The following R3HDM1 variants were observed in gnomAD, a reference collection of about 807,000 sequenced individuals.
R3HDM1 encodes the protein R3H domain containing 1.
In R3HDM1, 46 loss-of-function variants were observed where a neutral mutation model predicts 141.1. That is an observed-to-expected ratio of 0.33 (90% CI 0.26 to 0.42). The LOEUF (loss-of-function observed/expected upper bound fraction) is 0.42, where lower values mean the gene tolerates loss of function less well. Ranked by LOEUF, R3HDM1 falls within the 10% of genes least tolerant of loss-of-function variation. The probability of loss-of-function intolerance (pLI) is 1.00; values close to 1 mark genes in which losing one functional copy is unlikely to be tolerated. For synonymous variants in R3HDM1, 435 were observed against 472.9 expected (o/e 0.92, Z 1.04); for missense variants, 1,184 against 1,368.3 (o/e 0.87, Z 2.12).
chr2:135,600,219 T>A (rs1226028732), intron 1 of R3HDM1, among the ~76,000 whole-genome samples: 1 of 150,962 alleles, frequency 6.6e-6, no homozygotes, highest in Non-Finnish European at 1.5e-5. Flanking sequence ...GTCCTGAGAT[T>A]ACAGGCCTGA....
chr2:135,544,697 AC>A (rs1420866797), intron 1 of R3HDM1, among the ~76,000 whole-genome samples: 1 of 152,180 alleles, frequency 6.6e-6, no homozygotes, highest in Non-Finnish European at 1.5e-5. Context: ...TGGCTCACTC[AC>A]GCCTGTAATC....
At chr2:135,571,666 G>T (rs1323284866) in intron 1 of R3HDM1, among the ~76,000 whole-genome samples, 1 of 151,940 alleles carries the variant, frequency 6.6e-6, no homozygotes, top group African/African-American at 2.4e-5. Context: ...TCACTCTCTT[G>T]CCCAGGCCAG....
At chr2:135,714,256 A>G (rs1258744795) in intron 23 of R3HDM1, among the ~76,000 whole-genome samples, 2 of 152,232 alleles carry the variant, frequency 1.3e-5, no homozygotes, top group Admixed American at 1.3e-4. Context: ...GATGTGATCC[A>G]TTGAGAAGGA....
intron 1 of R3HDM1, chr2:135,583,750 G>A: frequency 1.0e-6 from 1 of 985,350 alleles, no homozygotes; most frequent in South Asian, 4.7e-5. Context: ...GTCTTTACCT[G>A]TAAAGGTTGA....
chr2:135,651,180 A>G (rs2065111630), intron 17 of R3HDM1: 1 of 985,150 alleles, frequency 1.0e-6, no homozygotes, highest in Admixed American at 6.1e-5. Flanking sequence ...ATGTATGGCC[A>G]AATTATTTTT....
chr2:135,559,990 A>G (rs1043798868), intron 1 of R3HDM1, among the ~76,000 whole-genome samples: 1 of 152,254 alleles, frequency 6.6e-6, no homozygotes, highest in African/African-American at 2.4e-5. Context: ...CATCTGTTCC[A>G]TAACTTACTA....
intron 3 of R3HDM1, among the ~76,000 whole-genome samples, chr2:135,611,770 G>A (rs2060572943): frequency 6.6e-6 from 1 of 152,026 alleles, no homozygotes; most frequent in African/African-American, 2.4e-5. Flanking sequence ...CTGAACTTGG[G>A]TCATATGCAC....
At chr2:135,650,888 C>T in intron 17 of R3HDM1, 1 of 985,178 alleles carries the variant, frequency 1.0e-6, no homozygotes, top group Non-Finnish European at 1.2e-6. Flanking sequence ...TCAGTGTTGA[C>T]CTTTTAACAA....
chr2:135,602,674 G>A lies in R3HDM1; in HGVS notation c.-75G>A. ...TGGATTATTTTATTTTATTTTTGTG[G>A]GACACCACAATCCCAAATCCAAAGG... On this transcript the variant is annotated 5_prime_UTR_variant, in exon 2 of 27. Coordinates refer to ENST00000683871, the MANE Select transcript of R3HDM1 (RefSeq NM_001378107.1). 2 of 1,540,666 alleles carry A rather than the reference G, an allele frequency of 1.3e-6. No individual in the cohort carries two copies. The highest frequency in any genetic ancestry group is 2.1e-5 in the Admixed American group (1 of 48,668).
intron 1 of R3HDM1, among the ~76,000 whole-genome samples, chr2:135,569,757 C>T (rs1190495666): frequency 2.8e-5 from 4 of 142,634 alleles, no homozygotes; most frequent in Non-Finnish European, 5.9e-5. Context: ...GAGGGAGTCT[C>T]GCTCTGTCAC....
intron 1 of R3HDM1, among the ~76,000 whole-genome samples, chr2:135,594,335 C>G (rs912740197): frequency 1.3e-5 from 2 of 152,142 alleles, no homozygotes; most frequent in Non-Finnish European, 2.9e-5. Flanking sequence ...GATAAAAAGT[C>G]AGATCTGGAA....
intron 21 of R3HDM1, among the ~76,000 whole-genome samples, chr2:135,685,636 A>G (rs370653722): frequency 1.3e-5 from 2 of 152,134 alleles, no homozygotes; most frequent in East Asian, 3.9e-4. Context: ...CTCTAAATAC[A>G]TGCTATATTC....
chr2:135,678,560 C>T (rs2069620049), intron 20 of R3HDM1, among the ~76,000 whole-genome samples: 1 of 151,598 alleles, frequency 6.6e-6, no homozygotes, highest in Non-Finnish European at 1.5e-5. Flanking sequence ...CCAGCCTGGC[C>T]AACATGGTGA....
At position 135,622,639 on chromosome 2, in the gene R3HDM1, G is replaced by C. The variant is rs779826471; in HGVS notation, c.419-15G>C. 4 of 1,586,274 alleles carry C rather than the reference G, an allele frequency of 2.5e-6. No individual in the cohort carries two copies. The highest frequency in any genetic ancestry group is 2.3e-5 in the South Asian group (2 of 86,296). The stretch of plus-strand genomic sequence containing the variant: ...AAACAACTTTATACTGGGTTTTTGT[G>C]TTGTTGTTTTTTAGATTCCAGTCAA... On this transcript the variant is annotated splice_polypyrimidine_tract_variant and intron_variant, in intron 6 of 26. Transcript: ENST00000683871.
chr2:135,550,038 A>C lies in R3HDM1; in HGVS notation c.-250+18405A>C, dbSNP rs1027422257. 5.1e-6 allele frequency: 5 copies of C among 982,824 alleles called. No individual in the cohort carries two copies. In the African/African-American group the frequency reaches 5.2e-5, roughly 10 times the overall value. 60.9% of individuals were successfully genotyped at this position (982,824 alleles called of 1,614,324 possible). The stretch of plus-strand genomic sequence containing the variant: ...GCTTTTGGAATGGCAGTTTATATTC[A>C]TAAGACCCAAGTTTAAAATCTTTTC... On this transcript the variant is annotated intron_variant, in intron 1 of 26. Transcript: ENST00000683871.
At chr2:135,645,670 A>T (rs942761691) in intron 16 of R3HDM1, 143 bp downstream of exon 16, 8 of 986,500 alleles carry the variant, frequency 8.1e-6, no homozygotes, top group Non-Finnish European at 1.2e-5. Flanking sequence ...CTCACTACTC[A>T]TAGGAAAAGA....
intron 18 of R3HDM1, among the ~76,000 whole-genome samples, chr2:135,658,908 C>T (rs1424671102): frequency 6.6e-6 from 1 of 152,102 alleles, no homozygotes; most frequent in Non-Finnish European, 1.5e-5. Context: ...GCATCATTGT[C>T]TTCCACCTCC....
intron 1 of R3HDM1, among the ~76,000 whole-genome samples, chr2:135,554,850 A>T (rs1162064405): frequency 6.6e-6 from 1 of 152,146 alleles, no homozygotes; most frequent in East Asian, 1.9e-4. Flanking sequence ...GCAAAGTTAA[A>T]TTTTTGTTGT....
chr2:135,644,628 A>G (rs1385853407), intron 15 of R3HDM1, among the ~76,000 whole-genome samples: 1 of 152,202 alleles, frequency 6.6e-6, no homozygotes, highest in Non-Finnish European at 1.5e-5. Flanking sequence ...AAATATATGT[A>G]ATGTGGCCTA....
Sources: gnomAD v4.1 joint callset for allele counts (sites outside exome capture counted in the v4.1 genomes callset) on GRCh38, gnomAD v4.1.1 for gene constraint, MANE v1.5 for transcripts, NCBI Gene and HGNC (gene_info 2026-07-23, HGNC 2026-07-21) for gene names.